ZCCHC24: variants seen among roughly 807,000 people sequenced by gnomAD.
ZCCHC24 encodes zinc finger CCHC domain-containing protein 24.
Under a neutral mutation model 26.2 loss-of-function variants are expected in ZCCHC24, and 10 were observed. The ratio of observed to expected loss-of-function variants is 0.38; its 90% CI spans 0.24 to 0.65. The LOEUF (loss-of-function observed/expected upper bound fraction) is 0.65. ZCCHC24 is among the 30% of genes least tolerant of loss of function. The pLI is 0.54. For missense variants in ZCCHC24, 243 were observed against 329.1 expected (o/e 0.74, Z 2.03); for synonymous variants, 144 against 147.1 (o/e 0.98, Z 0.15).
intron 3 of ZCCHC24, among the ~76,000 whole-genome samples, chr10:79,392,930 T>C (rs192678600): frequency 1.9e-4 from 29 of 152,340 alleles, no homozygotes; most frequent in African/African-American, 6.7e-4. Flanking sequence ...AAGGCACTCC[T>C]CTGTGGTCTC....
At chr10:79,396,327 T>A (rs1424145452) in intron 2 of ZCCHC24, among the ~76,000 whole-genome samples, 1 of 152,264 alleles carries the variant, frequency 6.6e-6, no homozygotes, top group Non-Finnish European at 1.5e-5. Flanking sequence ...ACGTGCAAGC[T>A]GCAAGTGTTC....
intron 1 of ZCCHC24, among the ~76,000 whole-genome samples, chr10:79,441,116 A>ACACACACACACC (rs377457574): frequency 2.7e-5 from 4 of 148,794 alleles, no homozygotes; most frequent in African/African-American, 9.9e-5. Context: ...ACACACACAC[A>ACACACACACACC]CCACAAAGGC....
chr10:79,423,879 G>T (rs550543617), intron 2 of ZCCHC24, among the ~76,000 whole-genome samples: 1 of 151,326 alleles, frequency 6.6e-6, no homozygotes, highest in Non-Finnish European at 1.5e-5. Context: ...TCAGTCAGGC[G>T]TGGTGGCAGG....
chr10:79,434,192 G>T (rs1193163273), intron 1 of ZCCHC24, among the ~76,000 whole-genome samples: 2 of 152,176 alleles, frequency 1.3e-5, no homozygotes, highest in Admixed American at 6.5e-5. Flanking sequence ...CCACATCGGG[G>T]GCAGGCCAGC....
At chr10:79,397,985 A>G (rs111837907) in intron 2 of ZCCHC24, among the ~76,000 whole-genome samples, 1 of 152,206 alleles carries the variant, frequency 6.6e-6, no homozygotes, top group Non-Finnish European at 1.5e-5. Context: ...AAGATGAAAG[A>G]GAAGAGCGAG....
At chr10:79,388,639 A>G (rs1589657514) in intron 3 of ZCCHC24, among the ~76,000 whole-genome samples, 1 of 152,264 alleles carries the variant, frequency 6.6e-6, no homozygotes, top group East Asian at 1.9e-4. Flanking sequence ...TTGACTGGCC[A>G]GGGCCTCTTC....
chr10:79,423,540 G>T (rs866708237), intron 2 of ZCCHC24, among the ~76,000 whole-genome samples: 8 of 95,162 alleles, frequency 8.4e-5, no homozygotes, highest in Middle Eastern at 6.0e-3. Context: ...GACAGAGTGA[G>T]ACTCCATCTC....
chr10:79,390,188 G>A (rs988748520), intron 3 of ZCCHC24, among the ~76,000 whole-genome samples: 2 of 152,170 alleles, frequency 1.3e-5, no homozygotes, highest in Admixed American at 6.5e-5. Context: ...TTGTCTTAAA[G>A]TATTTTATAA....
chr10:79,403,424 T>G (rs879766445), intron 2 of ZCCHC24: 24 of 985,322 alleles, frequency 2.4e-5, no homozygotes, highest in Non-Finnish European at 2.9e-5. Context: ...CACACTCACA[T>G]GTCCACATGC....
At chr10:79,431,595 G>A (rs367730872) in intron 2 of ZCCHC24, among the ~76,000 whole-genome samples, 3 of 152,324 alleles carry the variant, frequency 2.0e-5, no homozygotes, top group East Asian at 3.9e-4. Flanking sequence ...CCGTTTCTGA[G>A]CAGGGTTTGG....
In ZCCHC24 at chr10:79,385,803, A is replaced by T. The variant is rs1003536764; in HGVS notation, c.*542T>A. The stretch of plus-strand genomic sequence containing the variant: ...CTGGATTTGGGGCTTAAGGTGGGCA[A>T]GGGACAGAGAGGTCCACTCCCCAGC... On this transcript the variant is annotated 3_prime_UTR_variant, in exon 4 of 4. Coordinates refer to ENST00000372336, the MANE Select transcript of ZCCHC24 (RefSeq NM_153367.4). This position sits in a 1 kb window ranked among gnomAD's most constrained non-coding sequence, Gnocchi z 4.3. 2.1e-5 allele frequency: 4 copies of T among 192,980 alleles called. No individual in the cohort carries two copies. The highest frequency in any genetic ancestry group is 4.2e-5 in the Non-Finnish European group (4 of 94,822). 12.0% of individuals were successfully genotyped at this position (192,980 alleles called of 1,614,324 possible).
At chr10:79,409,323 TC>T (rs1306824581) in intron 2 of ZCCHC24, 1 of 152,308 alleles carries the variant, frequency 6.6e-6, no homozygotes, top group African/African-American at 2.4e-5. Context: ...TGACTCTTCC[TC>T]CAGGGAGCCT....
chr10:79,387,413 T>C (rs898797101), intron 3 of ZCCHC24, among the ~76,000 whole-genome samples: 4 of 152,150 alleles, frequency 2.6e-5, no homozygotes, highest in African/African-American at 9.7e-5. Context: ...GCTCTTTTCC[T>C]CCCCTCCTGA....
intron 2 of ZCCHC24, among the ~76,000 whole-genome samples, chr10:79,413,326 C>A (rs1856816362): frequency 6.6e-6 from 1 of 152,234 alleles, no homozygotes; most frequent in Admixed American, 6.5e-5. Flanking sequence ...GACCCCTCCC[C>A]ACGCCTGACT....
At chr10:79,399,562 CAG>C (rs1468037205) in intron 2 of ZCCHC24, among the ~76,000 whole-genome samples, 4 of 152,196 alleles carry the variant, frequency 2.6e-5, no homozygotes, top group Non-Finnish European at 5.9e-5. Flanking sequence ...CTTTGGGGAC[CAG>C]AGAGGCAAGG....
Position 79,411,776 on chromosome 10 carries a change from G to C in ZCCHC24, c.448-17336C>G, listed in dbSNP as rs373543478. On this transcript the variant is annotated intron_variant, in intron 2 of 3. Transcript: ENST00000372336. Reference sequence around the variant, plus strand: ...AAGCAACTGTGAGGACAGAAGAAGGGTCAGGAGACCTCCAGGAGGCCTCGG... The same window carrying C: ...AAGCAACTGTGAGGACAGAAGAAGGCTCAGGAGACCTCCAGGAGGCCTCGG... Among the ~76,000 whole-genome samples the C allele has an allele frequency of 2.0e-4, 30 of 152,204 alleles. No homozygotes were observed. In the East Asian group the frequency reaches 3.1e-3, roughly 16 times the overall value.
intron 1 of ZCCHC24, among the ~76,000 whole-genome samples, chr10:79,440,992 G>A (rs1857284925): frequency 6.6e-6 from 1 of 151,966 alleles, no homozygotes; most frequent in Non-Finnish European, 1.5e-5. Context: ...AGCTTCCCAA[G>A]GGTGGCCAAG....
chr10:79,435,229 T>C (rs186395719), intron 1 of ZCCHC24, among the ~76,000 whole-genome samples: 1 of 152,144 alleles, frequency 6.6e-6, no homozygotes, highest in South Asian at 2.1e-4. Flanking sequence ...ATTTTTATTT[T>C]TTTTCCCCTG....
rs1251441391 is a variant in ZCCHC24 at position 79,445,589 on chromosome 10, C to G, written c.-149G>C. On this transcript the variant is annotated 5_prime_UTR_variant, in exon 1 of 4. Transcript: ENST00000372336. ...CGCGCCCTGCGCCCCGCGCGCTGCCCGCAGCCGCTGCCGCTGCCGCCGCCT... is the reference window on the plus strand; with the variant it reads ...CGCGCCCTGCGCCCCGCGCGCTGCCGGCAGCCGCTGCCGCTGCCGCCGCCT... The G allele has an allele frequency of 1.6e-6, 1 of 638,458 alleles. No homozygotes were observed. The highest frequency in any genetic ancestry group is 2.0e-6 in the Non-Finnish European group (1 of 506,500). The allele number at this position is 638,458 out of a possible 1,614,324, so 39.5% of individuals were successfully genotyped here.
Sources: gnomAD v4.1 joint callset for allele counts (sites outside exome capture counted in the v4.1 genomes callset) on GRCh38, gnomAD v4.1.1 for gene constraint, Gnocchi (gnomAD v3.1) non-coding constraint, MANE v1.5 for transcripts, NCBI Gene and HGNC (gene_info 2026-07-23, HGNC 2026-07-21) for gene names.